The following ANKRD11 variants were observed in gnomAD, a reference collection of about 807,000 sequenced individuals.
ANKRD11 encodes ankyrin repeat domain 11.
In ANKRD11, 17 loss-of-function variants were observed where a neutral mutation model predicts 195.7. That is an observed-to-expected ratio of 0.09 (90% confidence interval 0.06 to 0.13). The LOEUF is 0.13. ANKRD11 is among the 10% of genes least tolerant of loss of function. The probability of loss-of-function intolerance (pLI) is 1.00; values close to 1 mark genes in which losing one functional copy is unlikely to be tolerated. For synonymous variants in ANKRD11, 1,953 were observed against 1,528.1 expected (o/e 1.28, Z -6.49); for missense variants, 3,735 against 3,566.1 (o/e 1.05, Z -1.21).
At chr16:89,271,526 A>T (rs916836930) in intron 11 of ANKRD11, 1 of 161,974 alleles carries the variant, frequency 6.2e-6, no homozygotes, top group Non-Finnish European at 1.4e-5. Context: ...TCACGGGTTC[A>T]TGGTGAAGCT....
chr16:89,314,384 A>G (rs575059700), intron 3 of ANKRD11, among the ~76,000 whole-genome samples: 2 of 152,210 alleles, frequency 1.3e-5, no homozygotes, highest in Non-Finnish European at 2.9e-5. Context: ...CAGAGCTCGC[A>G]TCGACATTAT....
chr16:89,415,343 C>T (rs1205918649), intron 2 of ANKRD11, among the ~76,000 whole-genome samples: 1 of 144,798 alleles, frequency 6.9e-6, no homozygotes, highest in South Asian at 2.2e-4. Context: ...CGGTTTACTG[C>T]AAGCTCCGCC....
chr16:89,410,754 G>A (rs755581071), intron 2 of ANKRD11, among the ~76,000 whole-genome samples: 9 of 152,216 alleles, frequency 5.9e-5, no homozygotes, highest in African/African-American at 2.2e-4. Context: ...AAGAACCCTC[G>A]CTTCTCATTT....
At chr16:89,351,514 A>C (rs1420651702) in intron 2 of ANKRD11, among the ~76,000 whole-genome samples, 1 of 152,218 alleles carries the variant, frequency 6.6e-6, no homozygotes, top group African/African-American at 2.4e-5. Context: ...AGAGGATCCT[A>C]GCGAACTTTT....
At chr16:89,269,942 A>G (rs2032990294) in intron 12 of ANKRD11, 2 of 152,220 alleles carry the variant, frequency 1.3e-5, no homozygotes, top group Non-Finnish European at 2.9e-5. Context: ...CTTACAGGAA[A>G]GTCTTCCATG....
chr16:89,291,867 A>C lies in ANKRD11; in HGVS notation c.227-684T>G. The C allele has an allele frequency of 1.2e-6, 1 of 844,434 alleles. No homozygotes were observed. Among genetic ancestry groups the C allele is most frequent in the Non-Finnish European group, 1.7e-6 (1 of 584,080 alleles). 52.3% of individuals were successfully genotyped at this position (844,434 alleles called of 1,614,324 possible). On this transcript the variant is annotated intron_variant, in intron 4 of 12. Coordinates refer to ENST00000301030, the MANE Select transcript of ANKRD11 (RefSeq NM_013275.6). This position sits in a 1 kb window ranked among gnomAD's most constrained non-coding sequence, Gnocchi z 5.3. ...CCTCCTCGTAACAAGCACACCCTGC[A>C]CTCATCTGACCCGTTACAGAACACT...
In ANKRD11 at chr16:89,296,763, A is replaced by T. The variant is rs538572667; in HGVS notation, c.227-5580T>A. 1.1e-3 allele frequency among the ~76,000 whole-genome samples: 163 copies of T among 152,300 alleles called. 1 individual carries two copies. Among genetic ancestry groups the T allele is most frequent in the African/African-American group, 3.8e-3 (159 of 41,586 alleles). On this transcript the variant is annotated intron_variant, in intron 4 of 12. Transcript: ENST00000301030. ...GGGAGCCGGAAGGCCGGGATGAGGAAGGTGTGTCTCTCCAGGGAGGGTTTG... is the reference window on the plus strand; with the variant it reads ...GGGAGCCGGAAGGCCGGGATGAGGATGGTGTGTCTCTCCAGGGAGGGTTTG...
intron 1 of ANKRD11, among the ~76,000 whole-genome samples, chr16:89,464,607 TAAAAA>T (rs377695519): frequency 8.6e-6 from 1 of 116,416 alleles, no homozygotes; most frequent in Non-Finnish European, 1.7e-5. Flanking sequence ...GACTCCATCT[TAAAAA>T]AAAAAAAAAA....
In ANKRD11 at chr16:89,291,843, C is replaced by T. The variant is rs1386215203; in HGVS notation, c.227-660G>A. On this transcript the variant is annotated intron_variant, in intron 4 of 12. Transcript: ENST00000301030. The surrounding 1 kb of genome is among the most constrained non-coding windows in gnomAD (Gnocchi z 5.3). ...AGAGCTCGGCTGTTTCCACCTCAGC[C>T]TCCTCGTAACAAGCACACCCTGCAC... The T allele has an allele frequency of 8.8e-7, 1 of 1,132,712 alleles. No individual in the cohort carries two copies. The allele number at this position is 1,132,712 out of a possible 1,614,324, so 70.2% of individuals were successfully genotyped here.
chr16:89,432,231 T>C (rs1308296599), intron 1 of ANKRD11, among the ~76,000 whole-genome samples: 1 of 125,422 alleles, frequency 8.0e-6, no homozygotes, highest in African/African-American at 3.2e-5. Flanking sequence ...TACATCGTGA[T>C]GCAGTACACA....
intron 6 of ANKRD11, 150 bp downstream of exon 6, chr16:89,290,475 G>A (rs2034983320): frequency 4.6e-5 from 9 of 195,128 alleles, no homozygotes; most frequent in Non-Finnish European, 6.1e-5. Context: ...GGGCTCCAGC[G>A]GGGGAGGCTC....
At chr16:89,364,819 G>A (rs2039879280) in intron 2 of ANKRD11, among the ~76,000 whole-genome samples, 2 of 152,172 alleles carry the variant, frequency 1.3e-5, no homozygotes, top group Admixed American at 1.3e-4. Flanking sequence ...CCAAGTGGAA[G>A]CTTGCTCAGC....
chr16:89,283,976 C>T lies in ANKRD11; in HGVS notation c.2566G>A (p.Asp856Asn). The change falls in exon 9 of 13, where the codon GAC (aspartate) becomes AAC (asparagine). Residue 856 changes from aspartate (D) to asparagine (N), a missense_variant. Physicochemically the swap from Asp to Asn is conservative, Grantham distance 23. Transcript: ENST00000301030. This position sits in a 1 kb window ranked among gnomAD's most constrained non-coding sequence, Gnocchi z 4.3. ...SDSSFDFKGE[D>N]SWDSPVTDYR... ...TCTGTCACTGGCGAGTCCCAGCTGT[C>T]CTCCCCTTTGAAATCAAAGGATGAA... 1 of 1,614,156 alleles carries T rather than the reference C, an allele frequency of 6.2e-7. No individual in the cohort carries two copies.
At chr16:89,403,094 A>C (rs2041767105) in intron 2 of ANKRD11, among the ~76,000 whole-genome samples, 1 of 152,206 alleles carries the variant, frequency 6.6e-6, no homozygotes, top group South Asian at 2.1e-4. Flanking sequence ...TCATCACTGC[A>C]CGTGGACACA....
intron 1 of ANKRD11, among the ~76,000 whole-genome samples, chr16:89,435,065 G>C (rs529946313): frequency 6.6e-6 from 1 of 152,310 alleles, no homozygotes; most frequent in South Asian, 2.1e-4. Flanking sequence ...TGGGGACTTG[G>C]AAAACTCTTC....
intron 4 of ANKRD11, among the ~76,000 whole-genome samples, chr16:89,296,429 G>C (rs2035441835): frequency 6.6e-6 from 1 of 152,160 alleles, no homozygotes; most frequent in African/African-American, 2.4e-5. Context: ...CTGTGCTCCA[G>C]AGTCTAGGCA....
At chr16:89,392,608 G>C (rs113783345) in intron 2 of ANKRD11, 2 of 151,754 alleles carry the variant, frequency 1.3e-5, no homozygotes, top group African/African-American at 4.8e-5. Context: ...GACCTGTCTT[G>C]GTTGTCCCTC....
intron 2 of ANKRD11, among the ~76,000 whole-genome samples, chr16:89,414,225 T>C (rs6416798): frequency 0.021 from 3,169 of 152,350 alleles, 71 homozygotes; most frequent in East Asian, 0.11. Context: ...AGTCCAAGCC[T>C]CTTTTCATAT....
At chr16:89,275,493 C>T (rs566466380) in intron 9 of ANKRD11, among the ~76,000 whole-genome samples, 9 of 152,300 alleles carry the variant, frequency 5.9e-5, no homozygotes, top group South Asian at 4.1e-4. Flanking sequence ...CCTGAAACAC[C>T]GGCATGAGCA....
Sources: gnomAD v4.1 joint callset for allele counts (sites outside exome capture counted in the v4.1 genomes callset) on GRCh38, gnomAD v4.1.1 for gene constraint, Gnocchi (gnomAD v3.1) non-coding constraint, MANE v1.5 for transcripts, NCBI Gene and HGNC (gene_info 2026-07-23, HGNC 2026-07-21) for gene names.